The following FRAS1 variants were observed in gnomAD, a reference collection of about 807,000 sequenced individuals.
FRAS1 encodes the protein extracellular matrix organizing protein FRAS1.
FRAS1 carries 290 observed loss-of-function variants against 435.2 expected under a neutral mutation model. That is an observed-to-expected ratio of 0.67 (90% CI 0.61 to 0.73). The LOEUF is 0.73. FRAS1 is among the 30% of genes least tolerant of loss of function. The pLI is 0.00. For synonymous variants in FRAS1, 1,800 were observed against 1,851.0 expected, an observed-to-expected ratio of 0.97 and a Z score of 0.71; for missense variants, 4,860 against 5,001.5, an observed-to-expected ratio of 0.97 and a Z score of 0.85.
At chr4:78,138,557 C>T (rs1720024918) in intron 2 of FRAS1, among the ~76,000 whole-genome samples, 1 of 152,174 alleles carries the variant, frequency 6.6e-6, no homozygotes, top group East Asian at 1.9e-4. Flanking sequence ...CTTTTCCAGC[C>T]TTGATAAGAA....
At chr4:78,266,068 A>C (rs775008724) in intron 7 of FRAS1, among the ~76,000 whole-genome samples, 7 of 152,218 alleles carry the variant, frequency 4.6e-5, no homozygotes, top group Non-Finnish European at 4.4e-5. Context: ...TGGCATCTTC[A>C]ACTACAAGGA....
At chr4:78,210,238 G>T (rs1283101084) in intron 2 of FRAS1, among the ~76,000 whole-genome samples, 1 of 151,974 alleles carries the variant, frequency 6.6e-6, no homozygotes, top group African/African-American at 2.4e-5. Flanking sequence ...ACTTAATCTG[G>T]GACCACCTCC....
At chr4:78,385,683 G>T (rs569060746) in intron 28 of FRAS1, among the ~76,000 whole-genome samples, 2 of 152,020 alleles carry the variant, frequency 1.3e-5, no homozygotes, top group African/African-American at 2.4e-5. Context: ...TCAGAAGTTC[G>T]AGACCAGCCT....
At chr4:78,452,062 C>CT (rs1173898377) in intron 46 of FRAS1, 113 bp from the exon 47 acceptor site, 47 of 1,299,450 alleles carry the variant, frequency 3.6e-5, no homozygotes, top group Admixed American at 1.9e-4. Flanking sequence ...GGTGTGCTCT[C>CT]TAACACACAG....
In FRAS1 at chr4:78,537,158, C is replaced by T; in HGVS notation, c.11256C>T (p.Cys3752=). The T allele has an allele frequency of 6.2e-7, 1 of 1,613,992 alleles. No homozygotes were observed. The highest frequency in any genetic ancestry group is 8.5e-7 in the Non-Finnish European group (1 of 1,179,880). ...ACAATGAAGGGCCCCAGTATGGATGCATTCAGCCAAACAAACACCTAAAAC... is the reference window on the plus strand; with the variant it reads ...ACAATGAAGGGCCCCAGTATGGATGTATTCAGCCAAACAAACACCTAAAAC... ...TIYNEGPQYG[C]IQPNKHLKHR... The change falls in exon 72 of 74, where the codon TGC becomes TGT. Residue 3752 remains cysteine, a synonymous_variant. Coordinates refer to ENST00000512123, the MANE Select transcript of FRAS1 (RefSeq NM_025074.7).
chr4:78,413,191 A>G (rs1262129733), intron 32 of FRAS1, 106 bp downstream of exon 32: 2 of 592,156 alleles, frequency 3.4e-6, no homozygotes, highest in Non-Finnish European at 5.7e-6. Flanking sequence ...TGCCTGGCCC[A>G]GATCACAGAC....
chr4:78,297,528 G>A (rs994425329), intron 14 of FRAS1, among the ~76,000 whole-genome samples: 4 of 152,128 alleles, frequency 2.6e-5, no homozygotes, highest in Admixed American at 1.3e-4. Context: ...TTTTAGAGTA[G>A]GGTTTTAGTA....
At chr4:78,200,322 T>C (rs2110074800) in intron 2 of FRAS1, among the ~76,000 whole-genome samples, 1 of 152,344 alleles carries the variant, frequency 6.6e-6, no homozygotes, top group East Asian at 1.9e-4. Context: ...CCCTGTAAGC[T>C]TCTGGGATAT....
rs755411213 is a variant in FRAS1, at chr4:78,207,146, C to T, written c.109-30364C>T. ...TGGAAGGACTTTTTTCTGAAGCCAC[C>T]CATTAAGCCTTGTAATACAATCCTT... On this transcript the variant is annotated intron_variant, in intron 2 of 73. Coordinates refer to ENST00000512123, the MANE Select transcript of FRAS1 (RefSeq NM_025074.7). Among the ~76,000 whole-genome samples the T allele has an allele frequency of 5.9e-5, 9 of 152,276 alleles. 1 individual carries two copies. The South Asian group carries it at 1.9e-3, about 32-fold the overall frequency.
chr4:78,068,809 T>C (rs1160033009), intron 2 of FRAS1: 1 of 347,254 alleles, frequency 2.9e-6, no homozygotes, highest in Non-Finnish European at 5.6e-6. Context: ...CCACTTTAAG[T>C]TCTCTTTCCA....
At chr4:78,116,316 G>A (rs1421723809) in intron 2 of FRAS1, among the ~76,000 whole-genome samples, 3 of 152,168 alleles carry the variant, frequency 2.0e-5, no homozygotes, top group African/African-American at 7.2e-5. Context: ...GTTGATTTGG[G>A]GTGGAGAGTT....
chr4:78,267,366 C>A lies in FRAS1; in HGVS notation c.915C>A (p.Phe305Leu). 6.2e-7 allele frequency: 1 copy of A among 1,613,930 alleles called. No homozygotes were observed. Among genetic ancestry groups the A allele is most frequent in the Non-Finnish European group, 8.5e-7 (1 of 1,179,884 alleles). Residue 305 changes from phenylalanine (F) to leucine (L), a missense_variant, in exon 9 of 74, where the codon TTC becomes TTA. Physicochemically the swap from Phe to Leu is conservative, Grantham distance 22. Transcript: ENST00000512123. ...DEMWKGSACE[F>L]CMCDHGQVTC... is the part of the protein sequence containing the mutation. The stretch of plus-strand genomic sequence containing the variant: ...TGTGGAAGGGCTCGGCCTGTGAGTT[C>A]TGCATGTGTGATCATGGCCAAGTGA...
At chr4:78,087,664 T>G (rs1294318071) in intron 2 of FRAS1, among the ~76,000 whole-genome samples, 1 of 152,022 alleles carries the variant, frequency 6.6e-6, no homozygotes, top group Admixed American at 6.6e-5. Flanking sequence ...ATGAGTAAAC[T>G]CCCATTCACA....
chr4:78,506,518 G>C (rs1047939750), intron 61 of FRAS1, among the ~76,000 whole-genome samples: 1 of 145,990 alleles, frequency 6.8e-6, no homozygotes, highest in East Asian at 2.1e-4. Flanking sequence ...TGCTGCGCTA[G>C]CAGCGAGCAA....
intron 2 of FRAS1, among the ~76,000 whole-genome samples, chr4:78,105,685 G>A (rs1033222414): frequency 4.6e-5 from 7 of 152,138 alleles, no homozygotes; most frequent in African/African-American, 7.2e-5. Flanking sequence ...GATAAAATAA[G>A]AAATGTGACA....
chr4:78,253,822 A>G lies in FRAS1; in HGVS notation c.469+1271A>G, dbSNP rs77721736. ...GGAAAAGATCCTTTGATATGATTCCATAAGGCTAAGGTGGTTCCTTTTGCC... is the reference window on the plus strand; with the variant it reads ...GGAAAAGATCCTTTGATATGATTCCGTAAGGCTAAGGTGGTTCCTTTTGCC... On this transcript the variant is annotated intron_variant, in intron 5 of 73. Coordinates refer to ENST00000512123, the MANE Select transcript of FRAS1 (RefSeq NM_025074.7). Among the ~76,000 whole-genome samples, 196 of 152,310 alleles carry G rather than the reference A, an allele frequency of 1.3e-3. 5 individuals carry two copies. In the East Asian group the frequency reaches 0.036, roughly 28 times the overall value.
rs1732134912 is a variant in FRAS1 at position 78,384,284 on chromosome 4, T to A, written c.3648+141T>A. 21 of 645,918 alleles carry A rather than the reference T, an allele frequency of 3.3e-5. 1 individual carries two copies. The South Asian group carries it at 4.6e-4, about 14-fold the overall frequency. The allele number at this position is 645,918 out of a possible 1,614,324, so 40.0% of individuals were successfully genotyped here. A position where few individuals can be genotyped will look rare whatever the true frequency, so the allele number is the denominator to read the frequency against. On this transcript the variant is annotated intron_variant, in intron 28 of 73. Transcript: ENST00000512123. ...GTTTCCTCTTGAGATGCCACTGGAG[T>A]AATTTTTAGGACTTCTGGGTAATAA...
intron 2 of FRAS1, among the ~76,000 whole-genome samples, chr4:78,121,415 A>G (rs28583476): frequency 0.28 from 42,530 of 152,094 alleles, 6,273 homozygotes; most frequent in African/African-American, 0.35. Flanking sequence ...TAACCCAGTG[A>G]GAACCCTGAT....
chr4:78,089,472 A>G (rs1439793325), intron 2 of FRAS1, among the ~76,000 whole-genome samples: 1 of 152,112 alleles, frequency 6.6e-6, no homozygotes, highest in East Asian at 1.9e-4. Flanking sequence ...AAGAAATGTC[A>G]CAGATTGGCA....
Sources: gnomAD v4.1 joint callset for allele counts (sites outside exome capture counted in the v4.1 genomes callset) on GRCh38, gnomAD v4.1.1 for gene constraint, MANE v1.5 for transcripts, NCBI Gene and HGNC (gene_info 2026-07-23, HGNC 2026-07-21) for gene names.